STPG2: variants seen among roughly 807,000 people sequenced by gnomAD.
The protein encoded by STPG2 is sperm tail PG-rich repeat containing 2, also known as sperm-tail PG-rich repeat-containing protein 2.
In STPG2, 56 loss-of-function variants were observed where a neutral mutation model predicts 54.2. The ratio of observed to expected loss-of-function variants is 1.03; its 90% CI spans 0.83 to 1.29. The LOEUF (loss-of-function observed/expected upper bound fraction) is 1.29. Ranked by LOEUF, STPG2 falls within the 50% of genes most tolerant of loss-of-function variation. STPG2 has a pLI of 0.00. For missense variants in STPG2, 596 were observed against 544.9 expected, an observed-to-expected ratio of 1.09 and a Z score of -0.93; for synonymous variants, 200 against 181.8, an observed-to-expected ratio of 1.10 and a Z score of -0.81.
At chr4:98,131,951 T>C (rs1007041911) in intron 2 of STPG2, among the ~76,000 whole-genome samples, 7 of 152,104 alleles carry the variant, frequency 4.6e-5, no homozygotes, top group Admixed American at 1.3e-4. Flanking sequence ...CACCTTTAAA[T>C]TCCTATGGCA....
At position 97,759,648 on chromosome 4, in the gene STPG2, T is replaced by C. The variant is rs1264808747; in HGVS notation, c.1205-46834A>G. On this transcript the variant is annotated intron_variant, in intron 9 of 10. Transcript: ENST00000295268. ...ATTTAGCAATTCCCAGGTGGTAATA[T>C]TTGGGGAATTCATATAAAACTGAAA... Among the ~76,000 whole-genome samples, 4 of 152,074 alleles carry C rather than the reference T, an allele frequency of 2.6e-5. No homozygotes were observed. In the East Asian group the frequency reaches 5.8e-4, roughly 22 times the overall value.
chr4:97,792,469 A>T (rs1326655800), intron 9 of STPG2, among the ~76,000 whole-genome samples: 1 of 152,054 alleles, frequency 6.6e-6, no homozygotes, highest in Non-Finnish European at 1.5e-5. Flanking sequence ...CACTGCCAGC[A>T]CTCTACTTGA....
At chr4:98,129,762 C>T (rs1335798583) in intron 2 of STPG2, among the ~76,000 whole-genome samples, 4 of 152,160 alleles carry the variant, frequency 2.6e-5, no homozygotes. Flanking sequence ...TATATTGATT[C>T]CTGAAGTTTC....
chr4:97,668,138 A>C (rs1722582559), intron 10 of STPG2, among the ~76,000 whole-genome samples: 1 of 152,196 alleles, frequency 6.6e-6, no homozygotes. Context: ...ATATATAATG[A>C]GTATTTAAGG....
At chr4:97,721,597 A>C (rs1037663748) in intron 9 of STPG2, among the ~76,000 whole-genome samples, 1 of 152,160 alleles carries the variant, frequency 6.6e-6, no homozygotes, top group Non-Finnish European at 1.5e-5. Flanking sequence ...TCTATAATAA[A>C]AAAAATTAAG....
intron 10 of STPG2, among the ~76,000 whole-genome samples, chr4:97,690,705 CT>C (rs1723336227): frequency 1.3e-5 from 2 of 152,080 alleles, no homozygotes; most frequent in Non-Finnish European, 2.9e-5. Context: ...AGATCTGTGG[CT>C]GTTAATTTAC....
At chr4:97,763,749 T>A (rs1725956900) in intron 9 of STPG2, among the ~76,000 whole-genome samples, 1 of 152,184 alleles carries the variant, frequency 6.6e-6, no homozygotes, top group Non-Finnish European at 1.5e-5. Flanking sequence ...GCAAGGGGAA[T>A]TCATTCCATG....
chr4:97,880,793 C>T (rs1209260765), intron 8 of STPG2, among the ~76,000 whole-genome samples: 1 of 151,914 alleles, frequency 6.6e-6, no homozygotes, highest in Non-Finnish European at 1.5e-5. Flanking sequence ...AATTGAAGAG[C>T]AGGATTGAAT....
intron 4 of STPG2, among the ~76,000 whole-genome samples, chr4:97,504,201 T>G (rs1730799182): frequency 6.8e-6 from 1 of 147,524 alleles, no homozygotes; most frequent in Admixed American, 6.8e-5. Flanking sequence ...TTTAAATATT[T>G]ATATTTAAAT....
chr4:97,583,668 T>A (rs79081930), intron 10 of STPG2, among the ~76,000 whole-genome samples: 2,436 of 151,720 alleles, frequency 0.016, 51 homozygotes, highest in African/African-American at 0.056. Flanking sequence ...AAACTTAAGG[T>A]AAAGAGATGT....
intron 8 of STPG2, among the ~76,000 whole-genome samples, chr4:97,850,532 A>G (rs1161866248): frequency 6.6e-6 from 1 of 151,898 alleles, no homozygotes; most frequent in Non-Finnish European, 1.5e-5. Flanking sequence ...TTTTTTCATA[A>G]GAAGTATCTA....
chr4:97,729,468 G>A (rs894292516), intron 9 of STPG2, among the ~76,000 whole-genome samples: 3 of 152,044 alleles, frequency 2.0e-5, no homozygotes, highest in African/African-American at 7.2e-5. Context: ...CAGAACTTTG[G>A]AATCAGATTA....
At chr4:97,989,603 A>AT (rs1412405057) in intron 5 of STPG2, among the ~76,000 whole-genome samples, 35 of 152,122 alleles carry the variant, frequency 2.3e-4, no homozygotes, top group Admixed American at 2.3e-3. Context: ...TCAACATATA[A>AT]TTTTTTTCTT....
At chr4:97,651,133 T>C (rs1459969611) in intron 10 of STPG2, among the ~76,000 whole-genome samples, 1 of 152,148 alleles carries the variant, frequency 6.6e-6, no homozygotes, top group African/African-American at 2.4e-5. Context: ...AATGTAGAGA[T>C]ACAGAGGCCT....
In STPG2 at chr4:97,566,527, G is replaced by T. The variant is rs563481937; in HGVS notation, c.1321-7410C>A. Reference sequence around the variant, plus strand: ...AATGCAGAAATCACCCGTCTTCTGCGTCGCTCACGCTGGGAGCTGTAGACT... The same window carrying T: ...AATGCAGAAATCACCCGTCTTCTGCTTCGCTCACGCTGGGAGCTGTAGACT... On this transcript the variant is annotated intron_variant, in intron 10 of 10. Transcript: ENST00000295268. Among the ~76,000 whole-genome samples the T allele has an allele frequency of 5.3e-5, 8 of 152,250 alleles. No homozygotes were observed. The South Asian group carries it at 1.7e-3, about 32-fold the overall frequency.
intron 9 of STPG2, among the ~76,000 whole-genome samples, chr4:97,816,864 TTC>T (rs1274211964): frequency 4.0e-5 from 6 of 150,988 alleles, no homozygotes; most frequent in South Asian, 2.1e-4. Context: ...TTCTTTCTCT[TTC>T]TCTTTCACTC....
At chr4:97,732,259 C>T (rs139383103) in intron 9 of STPG2, among the ~76,000 whole-genome samples, 2 of 152,246 alleles carry the variant, frequency 1.3e-5, no homozygotes, top group African/African-American at 2.4e-5. Context: ...CTCCCACTGC[C>T]CATTCAAATT....
chr4:98,036,785 C>A (rs1736793647), intron 5 of STPG2, among the ~76,000 whole-genome samples: 1 of 152,004 alleles, frequency 6.6e-6, no homozygotes, highest in South Asian at 2.1e-4. Flanking sequence ...AACAAACCTG[C>A]ACTTGTATCA....
chr4:98,112,524 C>A (rs780017202), intron 3 of STPG2, among the ~76,000 whole-genome samples: 15 of 152,110 alleles, frequency 9.9e-5, no homozygotes, highest in Non-Finnish European at 2.2e-4. Flanking sequence ...GGTTCTGTTT[C>A]TCTGCAGAAT....
Sources: allele counts gnomAD v4.1 joint callset (sites outside exome capture counted in the v4.1 genomes callset), GRCh38; gene constraint gnomAD v4.1.1; transcripts MANE v1.5; gene names NCBI Gene and HGNC (gene_info 2026-07-23, HGNC 2026-07-21).